LRRC4C: variants seen among roughly 807,000 people sequenced by gnomAD.
LRRC4C encodes leucine rich repeat containing 4C.
A neutral mutation model predicts 33.6 loss-of-function variants in LRRC4C; 5 were observed. That is an observed-to-expected ratio of 0.15 (90% CI 0.08 to 0.31). The LOEUF (loss-of-function observed/expected upper bound fraction) is 0.31, where lower values mean the gene tolerates loss of function less well. Ranked by LOEUF, LRRC4C falls within the 10% of genes least tolerant of loss-of-function variation. LRRC4C has a pLI of 1.00. For missense variants in LRRC4C, 560 were observed against 796.7 expected (o/e 0.70, Z 3.58); for synonymous variants, 329 against 302.0 (o/e 1.09, Z -0.93).
chr11:40,631,965 A>G (rs1963515296), intron 3 of LRRC4C, among the ~76,000 whole-genome samples: 1 of 152,200 alleles, frequency 6.6e-6, no homozygotes, highest in Non-Finnish European at 1.5e-5. Flanking sequence ...CCTAAATGTT[A>G]TGACATTCAC....
intron 1 of LRRC4C, among the ~76,000 whole-genome samples, chr11:41,271,187 C>T (rs1312939443): frequency 1.3e-5 from 2 of 152,064 alleles, no homozygotes; most frequent in African/African-American, 4.8e-5. Context: ...GCAAGTCTCC[C>T]CAGTTCTTGT....
chr11:40,140,884 A>G (rs1431095217), intron 5 of LRRC4C, 31 bp from the exon 6 acceptor site: 2 of 152,604 alleles, frequency 1.3e-5, no homozygotes, highest in African/African-American at 2.4e-5. Context: ...AAAGAAAAGA[A>G]AAAAAAGCAT....
intron 3 of LRRC4C, among the ~76,000 whole-genome samples, chr11:40,523,398 G>A (rs1214009411): frequency 6.6e-6 from 1 of 150,792 alleles, no homozygotes; most frequent in Non-Finnish European, 1.5e-5. Flanking sequence ...TGTTTTTGTT[G>A]TTTTAATTCT....
chr11:40,550,259 T>C (rs1003821386), intron 3 of LRRC4C, among the ~76,000 whole-genome samples: 5 of 152,150 alleles, frequency 3.3e-5, no homozygotes, highest in Non-Finnish European at 7.4e-5. Context: ...TGATTCCATG[T>C]CTGCCTCTCC....
intron 1 of LRRC4C, among the ~76,000 whole-genome samples, chr11:41,277,760 C>T (rs1015786600): frequency 6.6e-6 from 1 of 152,108 alleles, no homozygotes; most frequent in Admixed American, 6.5e-5. Flanking sequence ...ATTTGACTAA[C>T]ATTGTCTCCT....
chr11:40,723,118 A>C (rs966418140), intron 2 of LRRC4C, among the ~76,000 whole-genome samples: 17 of 152,144 alleles, frequency 1.1e-4, no homozygotes, highest in African/African-American at 4.1e-4. Flanking sequence ...AAAGTGACCA[A>C]ACCTATGACT....
chr11:40,257,404 T>C (rs1489291679), intron 4 of LRRC4C, among the ~76,000 whole-genome samples: 2 of 152,200 alleles, frequency 1.3e-5, no homozygotes, highest in South Asian at 2.1e-4. Flanking sequence ...TCAAGTTAAA[T>C]AGACAGTATT....
At chr11:41,347,889 A>G (rs1951852123) in intron 1 of LRRC4C, among the ~76,000 whole-genome samples, 1 of 152,206 alleles carries the variant, frequency 6.6e-6, no homozygotes, top group Admixed American at 6.5e-5. Context: ...AACCACCGGT[A>G]CTAATTATTT....
rs60017606 is a variant in LRRC4C at position 40,154,287 on chromosome 11, CAA to C, written c.-95-13436_-95-13435del. Reference sequence around the variant, plus strand: ...TAAAACAAAAATACAAGCTAAAAAGCAAAAAAAAAAAAAAAACAAAAAGCAAA... The same window carrying C: ...TAAAACAAAAATACAAGCTAAAAAGCAAAAAAAAAAAAAACAAAAAGCAAA... On this transcript the variant is annotated intron_variant, in intron 5 of 6. Coordinates refer to ENST00000528697, the MANE Select transcript of LRRC4C (RefSeq NM_001258419.2). 7.4e-3 allele frequency among the ~76,000 whole-genome samples: 847 copies of C among 114,130 alleles called. 8 individuals carry two copies. The highest frequency in any genetic ancestry group is 0.015 in the African/African-American group (471 of 31,326). The allele number at this position is 114,130 out of a possible 152,430, so 74.9% of individuals were successfully genotyped here.
At chr11:40,593,017 A>G (rs1591214199) in intron 3 of LRRC4C, among the ~76,000 whole-genome samples, 1 of 152,234 alleles carries the variant, frequency 6.6e-6, no homozygotes, top group Non-Finnish European at 1.5e-5. Context: ...GTGCTTTTGA[A>G]GAGAGTAAAT....
At chr11:40,131,286 G>C (rs1004601924) in intron 6 of LRRC4C, among the ~76,000 whole-genome samples, 1 of 152,110 alleles carries the variant, frequency 6.6e-6, no homozygotes, top group Non-Finnish European at 1.5e-5. Context: ...AAATGGCAAA[G>C]AGAGGGCTCA....
chr11:40,359,309 A>C (rs2137153517), intron 3 of LRRC4C, among the ~76,000 whole-genome samples: 1 of 152,328 alleles, frequency 6.6e-6, no homozygotes, highest in African/African-American at 2.4e-5. Context: ...TGGGGAACAG[A>C]TCCAGGTGGT....
chr11:41,155,033 GTATTAGAAATTA>G (rs1436606140), intron 1 of LRRC4C, among the ~76,000 whole-genome samples: 1 of 152,106 alleles, frequency 6.6e-6, no homozygotes, highest in Non-Finnish European at 1.5e-5. Context: ...TAACTGGTTT[GTATTAGAAATTA>G]TATTAGAAAG....
At chr11:40,292,993 T>A (rs985042503) in intron 4 of LRRC4C, 1 of 151,504 alleles carries the variant, frequency 6.6e-6, no homozygotes, top group African/African-American at 2.4e-5. Context: ...GGGGAGCAAC[T>A]TCCCCCCCAC....
At chr11:41,215,437 G>A (rs1304266151) in intron 1 of LRRC4C, among the ~76,000 whole-genome samples, 3 of 142,688 alleles carry the variant, frequency 2.1e-5, no homozygotes, top group Non-Finnish European at 3.0e-5. Flanking sequence ...GCAGTGAGCT[G>A]AGATCATACC....
chr11:40,504,093 T>A (rs1394987089), intron 3 of LRRC4C, among the ~76,000 whole-genome samples: 1 of 152,164 alleles, frequency 6.6e-6, no homozygotes, highest in Non-Finnish European at 1.5e-5. Context: ...AAGCACTTAT[T>A]ATTTTCACCC....
In LRRC4C at chr11:40,473,268, G is replaced by A. The variant is rs117072541; in HGVS notation, c.-269-153547C>T. Among the ~76,000 whole-genome samples, 842 of 152,192 alleles carry A rather than the reference G, an allele frequency of 5.5e-3. 22 individuals carry two copies. Among genetic ancestry groups the A allele is most frequent in the Admixed American group, 0.034 (520 of 15,274 alleles). ...GCTTATCCACTACGATCAAGGCACC[G>A]TCATCCCTGGGATGCAAGGCTGGTT... is the stretch of plus-strand genomic sequence containing the variant. On this transcript the variant is annotated intron_variant, in intron 3 of 6. Coordinates refer to ENST00000528697, the MANE Select transcript of LRRC4C (RefSeq NM_001258419.2).
rs958859344 is a variant in LRRC4C at position 40,375,741 on chromosome 11, G to C, written c.-269-56020C>G. 4.6e-5 allele frequency among the ~76,000 whole-genome samples: 7 copies of C among 152,232 alleles called. No individual in the cohort carries two copies. In the South Asian group the frequency reaches 1.5e-3, roughly 32 times the overall value. ...ATAGATTAACCAACATATAAACGTA[G>C]ACACAGATTCACTTCCTGTTCTCAT... is the stretch of plus-strand genomic sequence containing the variant. On this transcript the variant is annotated intron_variant, in intron 3 of 6. Coordinates refer to ENST00000528697, the MANE Select transcript of LRRC4C (RefSeq NM_001258419.2).
intron 3 of LRRC4C, among the ~76,000 whole-genome samples, chr11:40,415,330 A>C (rs749598735): frequency 6.6e-6 from 1 of 152,166 alleles, no homozygotes; most frequent in Non-Finnish European, 1.5e-5. Flanking sequence ...CTATCTTGAT[A>C]ATCCTAATTT....
Sources: allele counts gnomAD v4.1 joint callset (sites outside exome capture counted in the v4.1 genomes callset), GRCh38; gene constraint gnomAD v4.1.1; transcripts MANE v1.5; gene names NCBI Gene and HGNC (gene_info 2026-07-23, HGNC 2026-07-21).